TSPAN14: variants seen among roughly 807,000 people sequenced by gnomAD.
TSPAN14 encodes the protein tetraspanin 14, also known as tetraspanin-14.
A neutral mutation model predicts 36.6 loss-of-function variants in TSPAN14; 16 were observed. The observed-to-expected ratio is 0.44, with a 90% CI of 0.30 to 0.66. The LOEUF (loss-of-function observed/expected upper bound fraction) is 0.66, where lower values mean the gene tolerates loss of function less well. TSPAN14 is among the 30% of genes least tolerant of loss of function. TSPAN14 has a pLI of 0.12. For missense variants in TSPAN14, 231 were observed against 355.1 expected (o/e 0.65, Z 2.81); for synonymous variants, 139 against 143.8 (o/e 0.97, Z 0.24).
chr10:80,511,712 C>A (rs565771973), intron 5 of TSPAN14, among the ~76,000 whole-genome samples: 2 of 3,674 alleles, frequency 5.4e-4, no homozygotes, highest in East Asian at 0.01. Context: ...AGGGCAGGTC[C>A]TCTCTCTCTC....
chr10:80,511,904 A>G (rs1447284215), intron 5 of TSPAN14, among the ~76,000 whole-genome samples: 1 of 150,914 alleles, frequency 6.6e-6, no homozygotes, highest in South Asian at 2.1e-4. Flanking sequence ...TCCCACCTCA[A>G]CCTCCCGAGT....
chr10:80,503,798 A>G (rs2132040139), intron 2 of TSPAN14, among the ~76,000 whole-genome samples: 1 of 152,270 alleles, frequency 6.6e-6, no homozygotes, highest in East Asian at 1.9e-4. Flanking sequence ...ACCGGTAGTC[A>G]TAGAGAAGCG....
intron 1 of TSPAN14, among the ~76,000 whole-genome samples, chr10:80,463,732 A>G (rs1329886202): frequency 6.6e-6 from 1 of 152,232 alleles, no homozygotes; most frequent in Admixed American, 6.5e-5. Flanking sequence ...AGTGGAAATG[A>G]CTAGATGTGG....
intron 2 of TSPAN14, among the ~76,000 whole-genome samples, chr10:80,500,695 G>C (rs1004209443): frequency 1.6e-4 from 24 of 152,336 alleles, no homozygotes; most frequent in Admixed American, 1.4e-3. Context: ...TGCACGCAGT[G>C]GTGGGGAGCT....
At chr10:80,472,733 G>A (rs1159901303) in intron 1 of TSPAN14, among the ~76,000 whole-genome samples, 3 of 152,154 alleles carry the variant, frequency 2.0e-5, no homozygotes, top group Non-Finnish European at 4.4e-5. Flanking sequence ...TTATCTCTGT[G>A]TGTGTATTAG....
At chr10:80,496,458 A>AT (rs145958522) in intron 2 of TSPAN14, among the ~76,000 whole-genome samples, 203 of 152,320 alleles carry the variant, frequency 1.3e-3, no homozygotes, top group African/African-American at 4.7e-3. Flanking sequence ...AATTTTATAC[A>AT]TGCTGGTATA....
intron 2 of TSPAN14, among the ~76,000 whole-genome samples, chr10:80,495,543 A>G (rs946189589): frequency 6.6e-6 from 1 of 152,120 alleles, no homozygotes; most frequent in Non-Finnish European, 1.5e-5. Flanking sequence ...TGGGACCACC[A>G]GTTGGGATTA....
At chr10:80,493,138 CTAGACCTGTTTTTAGTGCA>C (rs1311523618) in intron 2 of TSPAN14, among the ~76,000 whole-genome samples, 6 of 152,286 alleles carry the variant, frequency 3.9e-5, no homozygotes, top group African/African-American at 1.4e-4. Context: ...TTTGGTTGTG[CTAGACCTGTTTTTAGTGCA>C]AAAATCTCAC....
At chr10:80,504,886 G>A in intron 3 of TSPAN14, 108 bp downstream of exon 3, 1 of 1,198,964 alleles carries the variant, frequency 8.3e-7, no homozygotes, top group Admixed American at 1.7e-5. Context: ...CATTTCTTGT[G>A]CAGTGTCAAG....
chr10:80,489,499 G>T (rs897856489), intron 2 of TSPAN14, among the ~76,000 whole-genome samples, 185 bp downstream of exon 2: 2 of 152,230 alleles, frequency 1.3e-5, no homozygotes, highest in Admixed American at 6.5e-5. Flanking sequence ...GCCAAAGGCC[G>T]AGGTGATTGA....
rs1348637959 is a variant in TSPAN14 at position 80,507,221 on chromosome 10, C to G, written c.133-7C>G. Reference sequence around the variant, plus strand: ...CAGTGCTGCCCTGCTTTCTCTGTCTCTTTCAGGGTGTGCTGTCCGACCTCA... The same window carrying G: ...CAGTGCTGCCCTGCTTTCTCTGTCTGTTTCAGGGTGTGCTGTCCGACCTCA... On this transcript the variant is annotated splice_polypyrimidine_tract_variant and splice_region_variant and intron_variant, in intron 3 of 8. Coordinates refer to ENST00000429989, the Ensembl canonical transcript of TSPAN14. 1.2e-6 allele frequency: 2 copies of G among 1,614,184 alleles called. No homozygotes were observed. Among genetic ancestry groups the G allele is most frequent in the Non-Finnish European group, 1.7e-6 (2 of 1,180,020 alleles).
chr10:80,477,710 C>T (rs946517486), intron 1 of TSPAN14, among the ~76,000 whole-genome samples: 1 of 152,070 alleles, frequency 6.6e-6, no homozygotes, highest in African/African-American at 2.4e-5. Context: ...TGATGGCCTC[C>T]GACTTTAGCT....
At chr10:80,495,696 A>G (rs971063152) in intron 2 of TSPAN14, among the ~76,000 whole-genome samples, 2 of 152,220 alleles carry the variant, frequency 1.3e-5, no homozygotes, top group Non-Finnish European at 1.5e-5. Context: ...TCAGCATGGC[A>G]TAGTCTACAG....
At chr10:80,507,058 G>C in intron 3 of TSPAN14, 170 bp from the exon 4 acceptor site, 1 of 778,566 alleles carries the variant, frequency 1.3e-6, no homozygotes. Flanking sequence ...TCGCCTGGTC[G>C]GAGGGGCCCC....
intron 1 of TSPAN14, among the ~76,000 whole-genome samples, chr10:80,485,976 CTGGG>C (rs1847573447): frequency 6.6e-6 from 1 of 152,184 alleles, no homozygotes; most frequent in Non-Finnish European, 1.5e-5. Flanking sequence ...GATACGTTGT[CTGGG>C]TGTGGCACAC....
chr10:80,465,063 C>T (rs759305172), intron 1 of TSPAN14, among the ~76,000 whole-genome samples: 4 of 152,138 alleles, frequency 2.6e-5, no homozygotes, highest in Non-Finnish European at 5.9e-5. Flanking sequence ...TTCTCAAGTC[C>T]CTGTGCTTGC....
intron 2 of TSPAN14, among the ~76,000 whole-genome samples, chr10:80,498,548 C>T (rs1480958562): frequency 1.3e-5 from 2 of 152,186 alleles, no homozygotes; most frequent in African/African-American, 2.4e-5. Flanking sequence ...AAAACAGGTG[C>T]CTCTGGAAAG....
exon 9 of TSPAN14, chr10:80,518,304 A>C: frequency 2.5e-6 from 1 of 395,970 alleles, no homozygotes; most frequent in Non-Finnish European, 4.7e-6. Context: ...CTGCAGCTCA[A>C]GCATGTCTGC....
intron 6 of TSPAN14, among the ~76,000 whole-genome samples, chr10:80,512,622 A>C (rs1840720724): frequency 6.6e-6 from 1 of 152,172 alleles, no homozygotes; most frequent in South Asian, 2.1e-4. Flanking sequence ...CCTAGAACTC[A>C]ACAGTGCACG....
Sources: allele counts gnomAD v4.1 joint callset (sites outside exome capture counted in the v4.1 genomes callset), GRCh38; gene constraint gnomAD v4.1.1; transcripts MANE v1.5; gene names NCBI Gene and HGNC (gene_info 2026-07-23, HGNC 2026-07-21).